Variants in SPEN observed in about 807,000 individuals in gnomAD.
SPEN encodes the protein spen family transcriptional repressor.
In SPEN, 18 loss-of-function variants were observed where a neutral mutation model predicts 269.9. The ratio of observed to expected loss-of-function variants is 0.07; its 90% CI spans 0.05 to 0.10. SPEN has a LOEUF of 0.10. SPEN is among the 10% of genes least tolerant of loss of function. The pLI, the probability that SPEN is intolerant of heterozygous loss-of-function variation, is 1.00. For missense variants in SPEN, 3,822 were observed against 4,631.2 expected (o/e 0.83, Z 5.07); for synonymous variants, 1,726 against 1,765.7 (o/e 0.98, Z 0.56).
intron 3 of SPEN, among the ~76,000 whole-genome samples, chr1:15,898,285 C>T (rs565444641): frequency 1.3e-5 from 2 of 151,330 alleles, no homozygotes; most frequent in South Asian, 2.1e-4. Context: ...CATTATTTTG[C>T]AACCATCACC....
In SPEN at chr1:15,859,660, T is replaced by C. The variant is rs554009332; in HGVS notation, c.83+11510T>C. On this transcript the variant is annotated intron_variant, in intron 1 of 14. Coordinates refer to ENST00000375759, the MANE Select transcript of SPEN (RefSeq NM_015001.3). ...CTGGGATTACAGGCTTGAGCCACTGTGCCCGGCCTGAAAAGGAACTTTCAT... is the reference window on the plus strand; with the variant it reads ...CTGGGATTACAGGCTTGAGCCACTGCGCCCGGCCTGAAAAGGAACTTTCAT... Among the ~76,000 whole-genome samples, 23 of 152,122 alleles carry C rather than the reference T, an allele frequency of 1.5e-4. No homozygotes were observed. In the South Asian group the frequency reaches 1.7e-3, roughly 11 times the overall value.
Position 15,847,963 on chromosome 1 carries a change from A to T in SPEN, c.-105A>T. ...CCGCCGCTGCCGACGCCACCGCCGC[A>T]GCCGCCGCCGCCGCCGCCCCGGCAC... On this transcript the variant is annotated 5_prime_UTR_variant, in exon 1 of 15. Transcript: ENST00000375759. 1.7e-6 allele frequency: 1 copy of T among 600,320 alleles called. No homozygotes were observed. The highest frequency in any genetic ancestry group is 2.4e-6 in the Non-Finnish European group (1 of 415,874). The allele number at this position is 600,320 out of a possible 1,614,324, so 37.2% of individuals were successfully genotyped here.
rs200367310 is a variant in SPEN, at chr1:15,872,955, C to T, written c.223C>T (p.Arg75Cys). The T allele has an allele frequency of 5.6e-6, 9 of 1,614,044 alleles. No homozygotes were observed. Among genetic ancestry groups the T allele is most frequent in the East Asian group, 2.2e-5 (1 of 44,880 alleles). Reference protein sequence around the residue: ...SVNKMGDRDLRTDYNEPGTIP... With the variant: ...SVNKMGDRDLCTDYNEPGTIP... ...CAACAAAATGGGTGACAGAGACCTACGCACGGATTATAATGAACCAGGCAC... is the reference window on the plus strand; with the variant it reads ...CAACAAAATGGGTGACAGAGACCTATGCACGGATTATAATGAACCAGGCAC... Residue 75 changes from arginine (R) to cysteine (C), a missense_variant, in exon 2 of 15, where the codon CGC becomes TGC. Coordinates refer to ENST00000375759, the MANE Select transcript of SPEN (RefSeq NM_015001.3).
rs1186410736 is a variant in SPEN, at chr1:15,896,095, AT to A, written c.882-13219del. The stretch of plus-strand genomic sequence containing the variant: ...TTTTATAAAATGCAGTATTTTAATG[AT>A]TTTTTTCCTCTCATTTATGTAAACT... On this transcript the variant is annotated intron_variant, in intron 3 of 14. Transcript: ENST00000375759. Among the ~76,000 whole-genome samples, 9 of 148,412 alleles carry A rather than the reference AT, an allele frequency of 6.1e-5. 1 individual carries two copies. The highest frequency in any genetic ancestry group is 4.3e-4 in the South Asian group (2 of 4,630).
chr1:15,936,117 G>T lies in SPEN; in HGVS notation c.9877G>T (p.Val3293Leu). 6.2e-7 allele frequency: 1 copy of T among 1,611,630 alleles called. No individual in the cohort carries two copies. Among genetic ancestry groups the T allele is most frequent in the Non-Finnish European group, 8.5e-7 (1 of 1,178,292 alleles). The change falls in exon 11 of 15, where the codon GTG becomes TTG. Residue 3293 changes from valine to leucine, a missense_variant. Physicochemically the swap from Val to Leu is conservative, Grantham distance 32 (BLOSUM62 1). Transcript: ENST00000375759. ...LTPPVVVTHG[V>L]QIVHSSGELF... ...CCCTCCTGTGGTGGTGACCCATGGGGTGCAGATTGTGCACTCCAGCGGGGA... is the reference window on the plus strand; with the variant it reads ...CCCTCCTGTGGTGGTGACCCATGGGTTGCAGATTGTGCACTCCAGCGGGGA...
In SPEN at chr1:15,909,381, A is replaced by G; in HGVS notation, c.942A>G (p.Ala314=). The part of the protein sequence containing the change: ...DSPARSVQSA[A]VPAPTSQLLS... ...CAGCTCGATCAGTTCAGTCTGCAGC[A>G]GTCCCTGCACCCACTTCCCAGTTGC... Residue 314 remains alanine (A), a synonymous_variant, in exon 4 of 15, where the codon GCA becomes GCG. Coordinates refer to ENST00000375759, the MANE Select transcript of SPEN (RefSeq NM_015001.3). The G allele has an allele frequency of 6.2e-7, 1 of 1,614,218 alleles. No individual in the cohort carries two copies. The highest frequency in any genetic ancestry group is 8.5e-7 in the Non-Finnish European group (1 of 1,180,040).
chr1:15,920,063 TA>T (rs1310535139), intron 8 of SPEN, among the ~76,000 whole-genome samples: 4 of 150,142 alleles, frequency 2.7e-5, no homozygotes, highest in East Asian at 2.0e-4. Flanking sequence ...TTTTTTTTTT[TA>T]AATTTATTTA....
chr1:15,855,990 CTTT>C (rs1553173874), intron 1 of SPEN, among the ~76,000 whole-genome samples: 1 of 28,216 alleles, frequency 3.5e-5, no homozygotes, highest in African/African-American at 1.0e-4. Flanking sequence ...GATGCTAGAA[CTTT>C]TTTTTTTTTT....
chr1:15,848,193 C>A lies in SPEN; in HGVS notation c.83+43C>A. 7.3e-7 allele frequency: 1 copy of A among 1,360,674 alleles called. No individual in the cohort carries two copies. Among genetic ancestry groups the A allele is most frequent in the Non-Finnish European group, 9.8e-7 (1 of 1,015,852 alleles). The allele number at this position is 1,360,674 out of a possible 1,614,324, so 84.3% of individuals were successfully genotyped here. A position where few individuals can be genotyped will look rare whatever the true frequency, so the allele number is the denominator to read the frequency against. ...CGCGGCCGCGCTCGCTCCTCGGGCG[C>A]CGCTTCCCGCCCCGGCCCGTTGCCG... On this transcript the variant is annotated intron_variant, in intron 1 of 14. Transcript: ENST00000375759. This position sits in a 1 kb window ranked among gnomAD's most constrained non-coding sequence, Gnocchi z 5.1.
intron 1 of SPEN, among the ~76,000 whole-genome samples, chr1:15,856,565 C>CT (rs34812900): frequency 0.013 from 1,370 of 102,472 alleles, 55 homozygotes; most frequent in African/African-American, 0.042. Context: ...CTGCCAGATA[C>CT]TTTTTTTTTT....
Position 15,891,270 on chromosome 1 carries a change from T to C in SPEN, c.881+14592T>C, listed in dbSNP as rs148075554. ...GGTGCAATCATGGCTCACTGCAACC[T>C]TGAACTCCTGGGCTCAAGGGATCCC... On this transcript the variant is annotated intron_variant, in intron 3 of 14. Coordinates refer to ENST00000375759, the MANE Select transcript of SPEN (RefSeq NM_015001.3). Among the ~76,000 whole-genome samples, 1,103 of 152,174 alleles carry C rather than the reference T, an allele frequency of 7.2e-3. 14 individuals carry two copies. The highest frequency in any genetic ancestry group is 0.025 in the African/African-American group (1,020 of 41,514).
intron 3 of SPEN, among the ~76,000 whole-genome samples, chr1:15,880,671 G>A (rs952367536): frequency 6.6e-6 from 1 of 151,786 alleles, no homozygotes; most frequent in African/African-American, 2.4e-5. Flanking sequence ...TGGCTAGGCT[G>A]GTCTCGAACT....
intron 1 of SPEN, among the ~76,000 whole-genome samples, chr1:15,863,738 G>T (rs983269439): frequency 6.6e-6 from 1 of 150,890 alleles, no homozygotes; most frequent in African/African-American, 2.4e-5. Flanking sequence ...CTGCTTAGGA[G>T]GCTGAGATAG....
intron 3 of SPEN, among the ~76,000 whole-genome samples, chr1:15,891,025 C>T (rs1557745208): frequency 1.3e-5 from 2 of 152,130 alleles, no homozygotes; most frequent in Non-Finnish European, 2.9e-5. Flanking sequence ...TAGCTAGAAA[C>T]AAAAACCTCC....
At chr1:15,920,558 C>G (rs2071108459) in intron 8 of SPEN, among the ~76,000 whole-genome samples, 1 of 151,694 alleles carries the variant, frequency 6.6e-6, no homozygotes, top group Non-Finnish European at 1.5e-5. Flanking sequence ...TGTTTTGAGC[C>G]AAAACAAGAC....
chr1:15,921,859 G>A (rs1346421766), intron 9 of SPEN, among the ~76,000 whole-genome samples: 1 of 152,178 alleles, frequency 6.6e-6, no homozygotes, highest in Non-Finnish European at 1.5e-5. Context: ...ATATGCTTTA[G>A]TAACTTTGAG....
Position 15,929,507 on chromosome 1 carries a change from A to G in SPEN, c.3267A>G (p.Gly1089=). 1 of 1,613,472 alleles carries G rather than the reference A, an allele frequency of 6.2e-7. No homozygotes were observed. The highest frequency in any genetic ancestry group is 1.7e-5 in the Admixed American group (1 of 59,836). ...RPSSDLQARL[G]ELAGESVENQ... is the part of the protein sequence containing the mutation. ...GCTCAGACCTACAAGCAAGACTGGGAGAACTAGCAGGTGAATCTGTGGAAA... is the reference window on the plus strand; with the variant it reads ...GCTCAGACCTACAAGCAAGACTGGGGGAACTAGCAGGTGAATCTGTGGAAA... Residue 1089 remains glycine, a synonymous_variant, in exon 11 of 15, where the codon GGA becomes GGG. Coordinates refer to ENST00000375759, the MANE Select transcript of SPEN (RefSeq NM_015001.3). The surrounding 1 kb of genome is among the most constrained non-coding windows in gnomAD (Gnocchi z 5.8).
intron 2 of SPEN, chr1:15,873,807 C>T (rs547702408): frequency 9.7e-7 from 1 of 1,026,330 alleles, no homozygotes; most frequent in Non-Finnish European, 1.2e-6. Context: ...TTTCCTAAAT[C>T]CTGGAATATA....
At chr1:15,850,770 T>A (rs78904387) in intron 1 of SPEN, among the ~76,000 whole-genome samples, 5,298 of 152,280 alleles carry the variant, frequency 0.035, 298 homozygotes, top group African/African-American at 0.12. Context: ...AAGGTAGTTG[T>A]ACCAGAACGA....
Sources: allele counts gnomAD v4.1 joint callset (sites outside exome capture counted in the v4.1 genomes callset), GRCh38; gene constraint gnomAD v4.1.1; non-coding constraint Gnocchi (gnomAD v3.1); transcripts MANE v1.5; gene names NCBI Gene and HGNC (gene_info 2026-07-23, HGNC 2026-07-21).